Variants in CRTC3 observed in about 807,000 individuals in gnomAD.
CRTC3 encodes CREB-regulated transcription coactivator 3.
A neutral mutation model predicts 74.5 loss-of-function variants in CRTC3; 26 were observed. That is an observed-to-expected ratio of 0.35 (90% CI 0.26 to 0.48). The LOEUF is 0.48. CRTC3 is among the 20% of genes least tolerant of loss of function. The pLI is 0.99. For missense variants in CRTC3, 760 were observed against 787.3 expected, an observed-to-expected ratio of 0.97 and a Z score of 0.41; for synonymous variants, 377 against 325.8, an observed-to-expected ratio of 1.16 and a Z score of -1.69.
chr15:90,585,490 G>C (rs150560900), intron 2 of CRTC3, among the ~76,000 whole-genome samples: 1 of 152,024 alleles, frequency 6.6e-6, no homozygotes, highest in East Asian at 1.9e-4. Context: ...GTATATATCA[G>C]TACAAATCTG....
At chr15:90,586,284 C>G (rs1967657203) in intron 2 of CRTC3, among the ~76,000 whole-genome samples, 1 of 150,460 alleles carries the variant, frequency 6.6e-6, no homozygotes, top group South Asian at 2.1e-4. Context: ...AATACTTTTT[C>G]AAAGTATTAA....
intron 2 of CRTC3, among the ~76,000 whole-genome samples, chr15:90,592,982 G>A (rs896425205): frequency 1.3e-5 from 2 of 152,022 alleles, no homozygotes; most frequent in African/African-American, 4.8e-5. Flanking sequence ...GTGCAACCCC[G>A]TCTCTACTAA....
intron 2 of CRTC3, among the ~76,000 whole-genome samples, chr15:90,577,566 G>T (rs1307816962): frequency 6.6e-6 from 1 of 152,150 alleles, no homozygotes; most frequent in Non-Finnish European, 1.5e-5. Flanking sequence ...TGTGTAAAAA[G>T]GGAGGAGATA....
intron 11 of CRTC3, chr15:90,635,045 A>G: frequency 1.0e-6 from 1 of 986,932 alleles, no homozygotes; most frequent in Non-Finnish European, 1.6e-6. Context: ...ATAAGTCACT[A>G]CTGAAATGGC....
chr15:90,582,770 T>C (rs1404792471), intron 2 of CRTC3, among the ~76,000 whole-genome samples: 1 of 152,172 alleles, frequency 6.6e-6, no homozygotes, highest in East Asian at 1.9e-4. Flanking sequence ...ATTATGTAAT[T>C]CAGCAAACAC....
At chr15:90,625,323 CTT>C (rs1968795272) in intron 9 of CRTC3, among the ~76,000 whole-genome samples, 1 of 152,156 alleles carries the variant, frequency 6.6e-6, no homozygotes, top group African/African-American at 2.4e-5. Context: ...GGCAACATCT[CTT>C]TGTCACTTTA....
At position 90,645,234 on chromosome 15, in the gene CRTC3, C is replaced by G. The variant is rs910396654; in HGVS notation, c.*3094C>G. The G allele has an allele frequency of 4.4e-6, 1 of 227,974 alleles. No individual in the cohort carries two copies. Among genetic ancestry groups the G allele is most frequent in the Non-Finnish European group, 8.7e-6 (1 of 114,624 alleles). The allele number at this position is 227,974 out of a possible 1,614,324, so 14.1% of individuals were successfully genotyped here. A position where few individuals can be genotyped will look rare whatever the true frequency, so the allele number is the denominator to read the frequency against. ...CCAGTGTCCTAACCCCCAGGGCACC[C>G]TGTTCAACCATATTTAAAAATTGGA... is the stretch of plus-strand genomic sequence containing the variant. On this transcript the variant is annotated 3_prime_UTR_variant, in exon 15 of 15. Coordinates refer to ENST00000268184, the MANE Select transcript of CRTC3 (RefSeq NM_022769.5).
At position 90,576,905 on chromosome 15, in the gene CRTC3, G is replaced by A. The variant is rs1967418105; in HGVS notation, c.232-16731G>A. Among the ~76,000 whole-genome samples the A allele has an allele frequency of 2.0e-5, 3 of 152,272 alleles. No individual in the cohort carries two copies. In the South Asian group the frequency reaches 6.2e-4, roughly 32 times the overall value. ...AACTCCTTCATCACAAAGCTTGGCT[G>A]TGAAGAGGAGAGACACCGGGACACC... On this transcript the variant is annotated intron_variant, in intron 2 of 14. Transcript: ENST00000268184.
chr15:90,530,221 C>A lies in CRTC3; in HGVS notation c.132+18C>A. 8.8e-7 allele frequency: 1 copy of A among 1,130,834 alleles called. No individual in the cohort carries two copies. The highest frequency in any genetic ancestry group is 1.1e-6 in the Non-Finnish European group (1 of 916,412). The allele number at this position is 1,130,834 out of a possible 1,614,324, so 70.1% of individuals were successfully genotyped here. ...TGTCGCGGGTGAGGGCCCGGGCCGG[C>A]GCGGGCGGGGGCGGCCACGGCCGCG... is the stretch of plus-strand genomic sequence containing the variant. On this transcript the variant is annotated intron_variant, in intron 1 of 14. Coordinates refer to ENST00000268184, the MANE Select transcript of CRTC3 (RefSeq NM_022769.5). This position sits in a 1 kb window ranked among gnomAD's most constrained non-coding sequence, Gnocchi z 6.2.
chr15:90,620,500 C>T (rs1001372590), intron 9 of CRTC3, among the ~76,000 whole-genome samples: 10 of 151,978 alleles, frequency 6.6e-5, no homozygotes, highest in Non-Finnish European at 4.4e-5. Context: ...TAAGAGAGAA[C>T]GAGGAGATGA....
intron 2 of CRTC3, among the ~76,000 whole-genome samples, chr15:90,584,576 G>A (rs1324626760): frequency 6.6e-6 from 1 of 152,182 alleles, no homozygotes; most frequent in East Asian, 1.9e-4. Flanking sequence ...GTCTCATTAT[G>A]TCGTCCAGGG....
chr15:90,607,599 C>G (rs1199171409), intron 6 of CRTC3, 121 bp downstream of exon 6: 1 of 632,146 alleles, frequency 1.6e-6, no homozygotes, highest in Non-Finnish European at 2.8e-6. Context: ...AGAGAGGCAG[C>G]TCGTGGCAGG....
intron 5 of CRTC3, 42 bp from the exon 6 acceptor site, chr15:90,607,336 G>A: frequency 2.5e-6 from 3 of 1,221,270 alleles, no homozygotes; most frequent in South Asian, 2.6e-5. Context: ...TTTTCACTAA[G>A]GAAAACGGAT....
At chr15:90,635,254 G>A (rs913626254) in intron 11 of CRTC3, among the ~76,000 whole-genome samples, 2 of 152,140 alleles carry the variant, frequency 1.3e-5, no homozygotes, top group Non-Finnish European at 2.9e-5. Context: ...CTGGCTGGCA[G>A]CTCTGTGTAT....
intron 9 of CRTC3, among the ~76,000 whole-genome samples, chr15:90,622,209 C>G (rs561586081): frequency 3.9e-5 from 6 of 152,012 alleles, no homozygotes. Flanking sequence ...GGTCTTGAAC[C>G]GGGGGGCGCA....
intron 2 of CRTC3, among the ~76,000 whole-genome samples, chr15:90,556,958 C>CTATATATATATATATATA (rs6145675): frequency 7.7e-6 from 1 of 130,556 alleles, no homozygotes; most frequent in Non-Finnish European, 1.6e-5. Context: ...CACCACATGG[C>CTATATATATATATATATA]TATATATATA....
rs1442501961 is a variant in CRTC3, at chr15:90,529,953, G to A, written c.-119G>A. 19 of 789,908 alleles carry A rather than the reference G, an allele frequency of 2.4e-5. No homozygotes were observed. The highest frequency in any genetic ancestry group is 2.9e-5 in the Non-Finnish European group (18 of 630,420). 48.9% of individuals were successfully genotyped at this position (789,908 alleles called of 1,614,324 possible). On this transcript the variant is annotated 5_prime_UTR_variant, in exon 1 of 15. Coordinates refer to ENST00000268184, the MANE Select transcript of CRTC3 (RefSeq NM_022769.5). ...CGGGGCCGCGGCGGCTCCTCTGCCG[G>A]GTCGCGCCGGACGACTGGCTTCGGG... is the stretch of plus-strand genomic sequence containing the variant.
intron 11 of CRTC3, 163 bp from the exon 12 acceptor site, chr15:90,638,283 G>T: frequency 3.4e-6 from 2 of 593,206 alleles, no homozygotes; most frequent in East Asian, 2.8e-5. Context: ...TAAAATTTGA[G>T]ATATACTTTG....
At chr15:90,618,595 A>T (rs531809907) in intron 8 of CRTC3, among the ~76,000 whole-genome samples, 19 of 152,306 alleles carry the variant, frequency 1.2e-4, no homozygotes, top group African/African-American at 4.3e-4. Flanking sequence ...TTGAAAGAAA[A>T]CAGTTAATCT....
Sources: allele counts gnomAD v4.1 joint callset (sites outside exome capture counted in the v4.1 genomes callset), GRCh38; gene constraint gnomAD v4.1.1; non-coding constraint Gnocchi (gnomAD v3.1); transcripts MANE v1.5; gene names NCBI Gene and HGNC (gene_info 2026-07-23, HGNC 2026-07-21).